COTL1: variants seen among roughly 807,000 people sequenced by gnomAD.
COTL1 encodes coactosin like F-actin binding protein 1.
Under a neutral mutation model 16.5 loss-of-function variants are expected in COTL1, and 15 were observed. That is an observed-to-expected ratio of 0.91 (90% confidence interval 0.61 to 1.40). The LOEUF is 1.40. Ranked by LOEUF, COTL1 falls within the 40% of genes most tolerant of loss-of-function variation. The probability of loss-of-function intolerance (pLI) is 0.00; values close to 1 mark genes in which losing one functional copy is unlikely to be tolerated. For missense variants in COTL1, 220 were observed against 201.5 expected (o/e 1.09, Z -0.56); for synonymous variants, 112 against 85.3 (o/e 1.31, Z -1.73).
In COTL1 at chr16:84,566,502, T is replaced by G; in HGVS notation, c.*343A>C. ...ATCTCACTAGGCAGACCTCGTCGCG[T>G]GGAAGAGAAATGCCAGGAAAAGGGG... is the stretch of plus-strand genomic sequence containing the variant. On this transcript the variant is annotated 3_prime_UTR_variant, in exon 4 of 4. Transcript: ENST00000262428. The G allele has an allele frequency of 4.9e-6, 1 of 206,056 alleles. No homozygotes were observed. Among genetic ancestry groups the G allele is most frequent in the Non-Finnish European group, 9.8e-6 (1 of 101,850 alleles). 12.8% of individuals were successfully genotyped at this position (206,056 alleles called of 1,614,324 possible). A position where few individuals can be genotyped will look rare whatever the true frequency, so the allele number is the denominator to read the frequency against.
intron 2 of COTL1, 106 bp downstream of exon 2, chr16:84,617,395 C>T (rs1284240076): frequency 9.7e-7 from 1 of 1,030,548 alleles, no homozygotes; most frequent in East Asian, 2.6e-5. Flanking sequence ...GCCAGGGGCA[C>T]CCCATGTGGC....
At chr16:84,609,079 G>T (rs957719640) in intron 2 of COTL1, among the ~76,000 whole-genome samples, 2 of 152,166 alleles carry the variant, frequency 1.3e-5, no homozygotes, top group South Asian at 4.1e-4. Flanking sequence ...CCTTAGGAAA[G>T]AAAGCAATTT....
At chr16:84,603,479 C>G (rs376945343) in intron 2 of COTL1, among the ~76,000 whole-genome samples, 2 of 152,118 alleles carry the variant, frequency 1.3e-5, no homozygotes, top group Admixed American at 6.5e-5. Flanking sequence ...CAGCAAGCCT[C>G]CCCCTGGAGG....
chr16:84,615,504 G>T (rs551896098), intron 2 of COTL1, among the ~76,000 whole-genome samples: 1 of 152,288 alleles, frequency 6.6e-6, no homozygotes, highest in South Asian at 2.1e-4. Flanking sequence ...TTCAGAGGCA[G>T]AACATGGTTT....
At chr16:84,583,648 C>T (rs564867216) in intron 3 of COTL1, among the ~76,000 whole-genome samples, 3 of 151,738 alleles carry the variant, frequency 2.0e-5, no homozygotes, top group African/African-American at 4.8e-5. Flanking sequence ...TTAGTAGAGA[C>T]GAGGTCCCAC....
In COTL1 at chr16:84,576,037, A is replaced by G. The variant is rs576784142; in HGVS notation, c.319-9082T>C. The G allele has an allele frequency of 4.6e-5, 7 of 152,368 alleles. No individual in the cohort carries two copies. The South Asian group carries it at 1.4e-3, about 32-fold the overall frequency. The allele number at this position is 152,368 out of a possible 1,614,324, so 9.4% of individuals were successfully genotyped here. A position where few individuals can be genotyped will look rare whatever the true frequency, so the allele number is the denominator to read the frequency against. On this transcript the variant is annotated intron_variant, in intron 3 of 3. Transcript: ENST00000262428. ...TCCCTCAGTCACTCAGAGTGAAGAC[A>G]CAGGCAGTAGCTAGTTCCTCTTCTC...
intron 2 of COTL1, among the ~76,000 whole-genome samples, chr16:84,615,424 G>A (rs569520813): frequency 2.6e-5 from 4 of 152,326 alleles, no homozygotes; most frequent in African/African-American, 9.6e-5. Context: ...GGGAGCACCT[G>A]CCAGGAGCCT....
At chr16:84,576,069 A>G (rs1338314115) in intron 3 of COTL1, 1 of 152,134 alleles carries the variant, frequency 6.6e-6, no homozygotes, top group Non-Finnish European at 1.5e-5. Context: ...TCTCATTCCT[A>G]ACGTTTATTT....
intron 2 of COTL1, among the ~76,000 whole-genome samples, chr16:84,614,053 T>A (rs1905403274): frequency 6.6e-6 from 1 of 152,046 alleles, no homozygotes; most frequent in Non-Finnish European, 1.5e-5. Flanking sequence ...AAGACAGAGC[T>A]AGGAGGAGGA....
In COTL1 at chr16:84,590,660, G is replaced by A. The variant is rs571588110; in HGVS notation, c.161-398C>T. Among the ~76,000 whole-genome samples the A allele has an allele frequency of 3.9e-5, 6 of 152,256 alleles. No homozygotes were observed. The East Asian group carries it at 5.8e-4, about 15-fold the overall frequency. ...GGCCCATTGCACAGATGTGGGTGCC[G>A]CCAGCAGTGCCAGGGCCCAGCCAAA... On this transcript the variant is annotated intron_variant, in intron 2 of 3. Transcript: ENST00000262428. This position sits in a 1 kb window ranked among gnomAD's most constrained non-coding sequence, Gnocchi z 5.5.
chr16:84,588,920 C>T (rs140663864), intron 3 of COTL1, among the ~76,000 whole-genome samples: 4 of 152,078 alleles, frequency 2.6e-5, no homozygotes, highest in African/African-American at 9.6e-5. Flanking sequence ...AAAAAGAAAC[C>T]CTGTGTCTTT....
intron 2 of COTL1, among the ~76,000 whole-genome samples, chr16:84,613,626 T>G (rs1337905726): frequency 6.6e-6 from 1 of 152,030 alleles, no homozygotes; most frequent in Admixed American, 6.5e-5. Flanking sequence ...TGATTAGAAA[T>G]GTACTGTAGA....
chr16:84,580,808 G>T (rs1398614503), intron 3 of COTL1, among the ~76,000 whole-genome samples: 1 of 152,142 alleles, frequency 6.6e-6, no homozygotes, highest in Non-Finnish European at 1.5e-5. Context: ...AGGCTGCATG[G>T]GAGCTTTTTA....
At chr16:84,600,381 C>T (rs2150692277) in intron 2 of COTL1, among the ~76,000 whole-genome samples, 1 of 148,330 alleles carries the variant, frequency 6.7e-6, no homozygotes, top group East Asian at 2.0e-4. Flanking sequence ...GGCACGATCT[C>T]AGCTTACTGC....
Position 84,578,862 on chromosome 16 carries a change from T to C in COTL1, c.318+11243A>G, listed in dbSNP as rs182449782. Among the ~76,000 whole-genome samples the C allele has an allele frequency of 2.1e-5, 3 of 145,768 alleles. No homozygotes were observed. In the East Asian group the frequency reaches 6.2e-4, roughly 30 times the overall value. On this transcript the variant is annotated intron_variant, in intron 3 of 3. Coordinates refer to ENST00000262428, the MANE Select transcript of COTL1 (RefSeq NM_021149.5). ...AGAAACACAGGTATGCACACACACA[T>C]ACACATGCAGGCATGCATACACACA...
chr16:84,571,835 C>T (rs1390716297), intron 3 of COTL1, among the ~76,000 whole-genome samples: 1 of 152,212 alleles, frequency 6.6e-6, no homozygotes. Context: ...GACACCGAGC[C>T]GCTCCCACCT....
chr16:84,586,654 T>C (rs1904740010), intron 3 of COTL1, among the ~76,000 whole-genome samples: 1 of 152,206 alleles, frequency 6.6e-6, no homozygotes, highest in Admixed American at 6.5e-5. Flanking sequence ...CAATCTCGGC[T>C]CAGTCTCCTG....
chr16:84,607,211 C>G (rs1051758953), intron 2 of COTL1, among the ~76,000 whole-genome samples: 1 of 152,136 alleles, frequency 6.6e-6, no homozygotes. Context: ...GGAGGGCATC[C>G]GAGCAGAGGG....
intron 2 of COTL1, among the ~76,000 whole-genome samples, chr16:84,591,916 T>C (rs1218964871): frequency 6.6e-6 from 1 of 151,800 alleles, no homozygotes; most frequent in Non-Finnish European, 1.5e-5. Flanking sequence ...GCATTGCATG[T>C]GTGTGCGTGT....
Sources: gnomAD v4.1 joint callset for allele counts (sites outside exome capture counted in the v4.1 genomes callset) on GRCh38, gnomAD v4.1.1 for gene constraint, Gnocchi (gnomAD v3.1) non-coding constraint, MANE v1.5 for transcripts, NCBI Gene and HGNC (gene_info 2026-07-23, HGNC 2026-07-21) for gene names.